The following FBXO17 variants were observed in gnomAD, a reference collection of about 807,000 sequenced individuals.
FBXO17 encodes the protein F-box protein 17.
In FBXO17, 43 loss-of-function variants were observed where a neutral mutation model predicts 34.1. That is an observed-to-expected ratio of 1.26 (90% CI 0.99 to 1.62). FBXO17 has a LOEUF of 1.62. Ranked by LOEUF, FBXO17 falls within the 40% of genes most tolerant of loss-of-function variation. FBXO17 has a pLI of 0.00. For synonymous variants in FBXO17, 169 were observed against 166.0 expected (o/e 1.02, Z -0.14); for missense variants, 424 against 386.7 (o/e 1.10, Z -0.81).
chr19:38,954,100 G>T (rs919343532), intron 1 of FBXO17, among the ~76,000 whole-genome samples: 4 of 151,996 alleles, frequency 2.6e-5, no homozygotes, highest in Admixed American at 1.3e-4. Context: ...TCCGCCTGAG[G>T]GTCAAGTTCA....
At chr19:38,963,182 G>T (rs566609730) in intron 1 of FBXO17, among the ~76,000 whole-genome samples, 4 of 152,208 alleles carry the variant, frequency 2.6e-5, no homozygotes, top group African/African-American at 9.6e-5. Context: ...TCCTTGTGAA[G>T]AAGTCATCTG....
intron 1 of FBXO17, among the ~76,000 whole-genome samples, chr19:38,961,563 C>A (rs1975250079): frequency 6.6e-6 from 1 of 151,996 alleles, no homozygotes; most frequent in South Asian, 2.1e-4. Flanking sequence ...GTGTGAGCCA[C>A]CGCTCCCAGC....
intron 1 of FBXO17, among the ~76,000 whole-genome samples, chr19:38,956,486 A>G (rs867550881): frequency 1.3e-4 from 20 of 152,170 alleles, no homozygotes; most frequent in African/African-American, 4.3e-4. Flanking sequence ...TTGCCCATTA[A>G]ACAAGATGAT....
At chr19:38,967,150 A>T (rs1975331622) in intron 1 of FBXO17, among the ~76,000 whole-genome samples, 1 of 152,218 alleles carries the variant, frequency 6.6e-6, no homozygotes, top group South Asian at 2.1e-4. Context: ...ACTCAATGAG[A>T]TAAACCAGTT....
At chr19:38,959,347 C>T (rs1045502448) in intron 1 of FBXO17, among the ~76,000 whole-genome samples, 9 of 150,192 alleles carry the variant, frequency 6.0e-5, no homozygotes, top group Non-Finnish European at 1.2e-4. Flanking sequence ...GGCCCAATCT[C>T]GGCCCACTGC....
chr19:38,967,892 A>G (rs1245090574), intron 1 of FBXO17, among the ~76,000 whole-genome samples: 1 of 152,134 alleles, frequency 6.6e-6, no homozygotes, highest in East Asian at 1.9e-4. Flanking sequence ...ATTCACAATG[A>G]GACACCACTT....
intron 1 of FBXO17, among the ~76,000 whole-genome samples, chr19:38,970,311 G>A (rs1262726155): frequency 6.6e-6 from 1 of 151,634 alleles, no homozygotes; most frequent in Non-Finnish European, 1.5e-5. Context: ...GGACTAAATC[G>A]ATCCTCCTGA....
At chr19:38,943,324 A>C (rs951572999) in intron 5 of FBXO17, among the ~76,000 whole-genome samples, 1 of 151,634 alleles carries the variant, frequency 6.6e-6, no homozygotes, top group African/African-American at 2.4e-5. Context: ...CCCAGGCTGG[A>C]GTACAGTGGC....
chr19:38,943,559 G>A (rs1016981598), intron 5 of FBXO17, among the ~76,000 whole-genome samples: 1 of 151,672 alleles, frequency 6.6e-6, no homozygotes, highest in Non-Finnish European at 1.5e-5. Flanking sequence ...ACAGGTGTGA[G>A]CCACTGCGCC....
intron 5 of FBXO17, among the ~76,000 whole-genome samples, chr19:38,943,380 T>C (rs2144805843): frequency 6.6e-6 from 1 of 151,674 alleles, no homozygotes; most frequent in East Asian, 1.9e-4. Flanking sequence ...TTCAAGCGAT[T>C]CTCCTGTCTC....
At chr19:38,946,638 CT>C in intron 3 of FBXO17, 71 bp from the exon 4 acceptor site, 1 of 1,583,176 alleles carries the variant, frequency 6.3e-7, no homozygotes, top group Middle Eastern at 1.7e-4. Context: ...AAGCCACCTC[CT>C]CCAAGAAGTC....
At chr19:38,946,364 A>C in intron 4 of FBXO17, 108 bp downstream of exon 4, 1 of 1,530,034 alleles carries the variant, frequency 6.5e-7, no homozygotes, top group African/African-American at 1.4e-5. Flanking sequence ...AAGGGTGCAC[A>C]GTGACAGCCG....
At chr19:38,949,933 C>T (rs2144816161) in intron 2 of FBXO17, 38 bp downstream of exon 2, 2 of 1,455,330 alleles carry the variant, frequency 1.4e-6, no homozygotes, top group African/African-American at 1.5e-5. Flanking sequence ...GCTCGCGCGG[C>T]CCCCCTCAGC....
In FBXO17 at chr19:38,942,739, A is replaced by G. The variant is rs772597473; in HGVS notation, c.706T>C (p.Phe236Leu). Reference protein sequence around the residue: ...ERGCRQVSHVFTNFGKGIRYV... With the variant: ...ERGCRQVSHVLTNFGKGIRYV... Reference sequence around the variant, plus strand: ...CGGATGCCCTTGCCAAAGTTGGTGAAGACGTGGGAGACCTGCAGGGGGAAG... The same window carrying G: ...CGGATGCCCTTGCCAAAGTTGGTGAGGACGTGGGAGACCTGCAGGGGGAAG... Residue 236 changes from phenylalanine (F) to leucine (L), a missense_variant, in exon 6 of 6, where the codon TTC becomes CTC. Physicochemically the swap from Phe to Leu is conservative, Grantham distance 22. Transcript: ENST00000292852. The G allele has an allele frequency of 1.4e-5, 22 of 1,605,592 alleles. No individual in the cohort carries two copies. The highest frequency in any genetic ancestry group is 1.8e-5 in the Non-Finnish European group (21 of 1,176,738).
intron 1 of FBXO17, among the ~76,000 whole-genome samples, chr19:38,971,578 G>A (rs1281699871): frequency 6.6e-6 from 1 of 152,128 alleles, no homozygotes; most frequent in Non-Finnish European, 1.5e-5. Flanking sequence ...GAGCCCAAGA[G>A]TTTAAGACCA....
chr19:38,966,590 C>T (rs558944423), intron 1 of FBXO17, among the ~76,000 whole-genome samples: 1 of 152,008 alleles, frequency 6.6e-6, no homozygotes, highest in South Asian at 2.1e-4. Flanking sequence ...AGAATGTCTA[C>T]AAGAAGAAAA....
intron 1 of FBXO17, among the ~76,000 whole-genome samples, chr19:38,974,274 G>A (rs922076178): frequency 5.9e-5 from 9 of 151,600 alleles, no homozygotes; most frequent in African/African-American, 2.2e-4. Context: ...TAGAGACGGG[G>A]TTCATGTTGG....
At chr19:38,958,338 G>T (rs1273175305) in intron 1 of FBXO17, among the ~76,000 whole-genome samples, 1 of 146,152 alleles carries the variant, frequency 6.8e-6, no homozygotes, top group East Asian at 2.1e-4. Context: ...AACCCAGGAG[G>T]TGGAGATTGT....
At chr19:38,972,760 A>G (rs59163299) in intron 1 of FBXO17, among the ~76,000 whole-genome samples, 51,178 of 151,764 alleles carry the variant, frequency 0.34, 8,998 homozygotes, top group South Asian at 0.49. Flanking sequence ...CCATATTTGC[A>G]CTCTCTCTTT....
Sources: gnomAD v4.1 joint callset for allele counts (sites outside exome capture counted in the v4.1 genomes callset) on GRCh38, gnomAD v4.1.1 for gene constraint, MANE v1.5 for transcripts, NCBI Gene and HGNC (gene_info 2026-07-23, HGNC 2026-07-21) for gene names.